Variants in CUX1 observed in about 807,000 individuals in gnomAD.
The protein encoded by CUX1 is protein CASP.
CUX1 carries 31 observed loss-of-function variants against 158.8 expected under a neutral mutation model. The observed-to-expected ratio is 0.20, with a 90% CI of 0.15 to 0.26. CUX1 has a LOEUF of 0.26. CUX1 is among the 10% of genes least tolerant of loss of function. The pLI, the probability that CUX1 is intolerant of heterozygous loss-of-function variation, is 1.00. For synonymous variants in CUX1, 879 were observed against 862.1 expected (o/e 1.02, Z -0.34); for missense variants, 1,589 against 2,014.6 (o/e 0.79, Z 4.04).
chr7:102,223,466 GC>G (rs1554527756), intron 20 of CUX1, among the ~76,000 whole-genome samples: 2 of 151,954 alleles, frequency 1.3e-5, no homozygotes, highest in African/African-American at 4.8e-5. Flanking sequence ...TGTCAGGGTG[GC>G]GAGGGTGAGG....
intron 21 of CUX1, among the ~76,000 whole-genome samples, chr7:102,230,358 C>T (rs113013654): frequency 7.3e-4 from 110 of 151,536 alleles, no homozygotes; most frequent in African/African-American, 2.5e-3. Flanking sequence ...TGGTGGCACC[C>T]GCTGTAATCC....
chr7:102,202,248 C>T, intron 18 of CUX1, 44 bp downstream of exon 18: 1 of 1,547,212 alleles, frequency 6.5e-7, no homozygotes, highest in African/African-American at 1.4e-5. Context: ...CATCTCTTCT[C>T]CTTGCTGAGG....
chr7:101,901,909 C>T (rs936694983), intron 1 of CUX1, among the ~76,000 whole-genome samples: 3 of 152,244 alleles, frequency 2.0e-5, no homozygotes, highest in African/African-American at 7.2e-5. Context: ...ATATTTTCAG[C>T]AGACAGAAAT....
chr7:102,182,545 C>T (rs782759349), intron 11 of CUX1, among the ~76,000 whole-genome samples: 213 of 152,156 alleles, frequency 1.4e-3, no homozygotes, highest in South Asian at 3.5e-3. Context: ...CCATAAATGC[C>T]CCGCTATCCA....
rs146345436 is a variant in CUX1 at position 102,076,992 on chromosome 7, C to T, written c.268+6575C>T. ...AAGGCTGCAGTGAGCCAAGATCACG[C>T]CACTGCACTTCAGCCTGGGTGACAG... On this transcript the variant is annotated intron_variant, in intron 4 of 23. Coordinates refer to ENST00000292535, the MANE Select transcript of CUX1 (RefSeq NM_181552.4). 4.2e-3 allele frequency among the ~76,000 whole-genome samples: 638 copies of T among 151,032 alleles called. 3 individuals are homozygous for T. Among genetic ancestry groups the T allele is most frequent in the Non-Finnish European group, 6.9e-3 (468 of 67,832 alleles).
chr7:101,997,961 G>C (rs12056106), intron 2 of CUX1, among the ~76,000 whole-genome samples: 5 of 152,326 alleles, frequency 3.3e-5, no homozygotes, highest in East Asian at 1.9e-4. Context: ...AGTCTCAGGG[G>C]TTCCTGTGCC....
At chr7:101,859,578 G>A (rs547509725) in intron 1 of CUX1, among the ~76,000 whole-genome samples, 2 of 152,252 alleles carry the variant, frequency 1.3e-5, no homozygotes, top group Admixed American at 1.3e-4. Flanking sequence ...TCAGGTATTG[G>A]CGGGTTTGAT....
intron 1 of CUX1, among the ~76,000 whole-genome samples, chr7:101,875,481 A>G (rs1385013706): frequency 6.6e-6 from 1 of 152,212 alleles, no homozygotes; most frequent in Non-Finnish European, 1.5e-5. Context: ...CTGCCCTATA[A>G]TAAGCCAAAG....
intron 22 of CUX1, among the ~76,000 whole-genome samples, chr7:102,235,470 G>A (rs1799458201): frequency 6.6e-6 from 1 of 152,084 alleles, no homozygotes; most frequent in Admixed American, 6.6e-5. Context: ...GGAGTCCGAG[G>A]CAGGTGGATC....
chr7:101,900,970 T>A (rs1292489459), intron 1 of CUX1, among the ~76,000 whole-genome samples: 1 of 152,232 alleles, frequency 6.6e-6, no homozygotes, highest in East Asian at 1.9e-4. Context: ...CTGGAACTTT[T>A]TTTTAACTTA....
chr7:102,271,510 C>T (rs1276329175), intron 14 of CUX1, among the ~76,000 whole-genome samples: 1 of 152,236 alleles, frequency 6.6e-6, no homozygotes, highest in Non-Finnish European at 1.5e-5. Context: ...TGTACTCAGG[C>T]CAGGAGGGCA....
At chr7:102,220,013 G>T (rs782463010) in intron 20 of CUX1, among the ~76,000 whole-genome samples, 1 of 152,192 alleles carries the variant, frequency 6.6e-6, no homozygotes, top group Non-Finnish European at 1.5e-5. Context: ...GGTCATGCAA[G>T]GGTGTCTCAT....
intron 1 of CUX1, among the ~76,000 whole-genome samples, chr7:101,842,465 G>A (rs1795275064): frequency 6.6e-6 from 1 of 151,902 alleles, no homozygotes; most frequent in Admixed American, 6.6e-5. Flanking sequence ...TCTGCTCACT[G>A]CAACCTCTGC....
intron 2 of CUX1, among the ~76,000 whole-genome samples, chr7:101,962,546 A>T (rs537897154): frequency 3.0e-4 from 46 of 152,120 alleles, no homozygotes; most frequent in Non-Finnish European, 6.0e-4. Flanking sequence ...TCTGGTTTGT[A>T]GGCAGATATA....
chr7:102,226,731 A>C (rs1380120483), intron 20 of CUX1, among the ~76,000 whole-genome samples: 2 of 152,024 alleles, frequency 1.3e-5, no homozygotes, highest in African/African-American at 4.8e-5. Context: ...CCTGGGTGCA[A>C]GTGATTCTCC....
intron 9 of CUX1, among the ~76,000 whole-genome samples, chr7:102,164,940 C>T (rs1158757823): frequency 3.3e-5 from 5 of 152,126 alleles, no homozygotes; most frequent in African/African-American, 1.2e-4. Context: ...CCCCCTCCCC[C>T]GCCATATAAA....
intron 11 of CUX1, among the ~76,000 whole-genome samples, chr7:102,183,843 A>T (rs1039841113): frequency 8.5e-5 from 13 of 152,190 alleles, no homozygotes; most frequent in African/African-American, 2.7e-4. Context: ...TGGCTGTGCA[A>T]CCTGGAAGAC....
intron 14 of CUX1, among the ~76,000 whole-genome samples, chr7:102,267,528 G>A (rs549980145): frequency 3.9e-5 from 6 of 152,044 alleles, no homozygotes; most frequent in African/African-American, 9.7e-5. Flanking sequence ...GTGAAACTCC[G>A]TCTCAAAAGA....
chr7:102,170,993 G>A (rs1177598105), intron 10 of CUX1, among the ~76,000 whole-genome samples: 1 of 152,198 alleles, frequency 6.6e-6, no homozygotes, highest in Non-Finnish European at 1.5e-5. Flanking sequence ...GGCGGGCAGA[G>A]AGGTAATAAA....
Sources: allele counts gnomAD v4.1 joint callset (sites outside exome capture counted in the v4.1 genomes callset), GRCh38; gene constraint gnomAD v4.1.1; transcripts MANE v1.5; gene names NCBI Gene and HGNC (gene_info 2026-07-23, HGNC 2026-07-21).